The following CPNE1 variants were observed in gnomAD, a reference collection of about 807,000 sequenced individuals.
The protein encoded by CPNE1 is copine 1.
Under a neutral mutation model 63.2 loss-of-function variants are expected in CPNE1, and 58 were observed. That is an observed-to-expected ratio of 0.92 (90% CI 0.74 to 1.14). The LOEUF (loss-of-function observed/expected upper bound fraction) is 1.14. CPNE1 is among the 50% of genes most tolerant of loss of function. The probability of loss-of-function intolerance (pLI) is 0.00; values close to 1 mark genes in which losing one functional copy is unlikely to be tolerated. For synonymous variants in CPNE1, 237 were observed against 249.0 expected, an observed-to-expected ratio of 0.95 and a Z score of 0.45; for missense variants, 672 against 661.7, an observed-to-expected ratio of 1.02 and a Z score of -0.17.
In CPNE1 at chr20:35,626,688, C is replaced by A. The variant is rs746941698; in HGVS notation, c.1352G>T (p.Gly451Val). 1.9e-6 allele frequency: 3 copies of A among 1,614,058 alleles called. No individual in the cohort carries two copies. Among genetic ancestry groups the A allele is most frequent in the Admixed American group, 3.3e-5 (2 of 60,010 alleles). Reference sequence around the variant, plus strand: ...CTCCATGGCCTCAAAGTCAGCACCACCCACACCCACAATGATCACTGACAT... The same window carrying A: ...CTCCATGGCCTCAAAGTCAGCACCAACCACACCCACAATGATCACTGACAT... The part of the protein sequence containing the change: ...LPMSVIIVGV[G>V]GADFEAMEQL... Residue 451 changes from glycine to valine, a missense_variant, in exon 15 of 16, where the codon GGT becomes GTT. Gly to Val is a moderately radical substitution (Grantham distance 109). Transcript: ENST00000397443.
In CPNE1 at chr20:35,632,641, A is replaced by C. The variant is rs114166030; in HGVS notation, c.185T>G (p.Leu62Arg). 8.8e-4 allele frequency: 1,287 copies of C among 1,462,704 alleles called. 12 individuals are homozygous for C. In the African/African-American group the frequency reaches 0.017, roughly 19 times the overall value. The allele number at this position is 1,462,704 out of a possible 1,614,324, so 90.6% of individuals were successfully genotyped here. Reference sequence around the variant, plus strand: ...TGTCTCAAAGCGGTACTCAAGCTGTAGAGTCTTGGAGAACTCAGGGCTTGA... The same window carrying C: ...TGTCTCAAAGCGGTACTCAAGCTGTCGAGTCTTGGAGAACTCAGGGCTTGA... Reference protein sequence around the residue: ...NCSSPEFSKTLQLEYRFETVQ... With the variant: ...NCSSPEFSKTRQLEYRFETVQ... Residue 62 changes from leucine to arginine, a missense_variant, in exon 3 of 16, where the codon CTA becomes CGA. Coordinates refer to ENST00000397443, the MANE Select transcript of CPNE1 (RefSeq NM_152925.3).
intron 13 of CPNE1, among the ~76,000 whole-genome samples, chr20:35,628,846 T>C (rs1452790398): frequency 2.0e-5 from 3 of 152,162 alleles, no homozygotes; most frequent in East Asian, 3.8e-4. Flanking sequence ...TCTGTGATAA[T>C]GTAAGAAAGA....
intron 1 of CPNE1, chr20:35,659,036 G>A: frequency 1.4e-6 from 1 of 714,690 alleles, no homozygotes; most frequent in Non-Finnish European, 2.6e-6. Flanking sequence ...AATAAACGGA[G>A]GCAAAAATCA....
chr20:35,631,634 C>T, intron 7 of CPNE1, 54 bp downstream of exon 7: 3 of 1,607,550 alleles, frequency 1.9e-6, no homozygotes, highest in Non-Finnish European at 2.6e-6. Flanking sequence ...GAGAATAAGT[C>T]CCTCCCCAGG....
intron 1 of CPNE1, among the ~76,000 whole-genome samples, chr20:35,642,413 A>G (rs2032863278): frequency 6.6e-6 from 1 of 152,006 alleles, no homozygotes; most frequent in Non-Finnish European, 1.5e-5. Flanking sequence ...TCATGCTCAC[A>G]CTCCTATTGC....
At chr20:35,654,114 G>C (rs377668053) in intron 1 of CPNE1, 3 of 1,614,070 alleles carry the variant, frequency 1.9e-6, no homozygotes, top group East Asian at 2.2e-5. Flanking sequence ...TCTGAGGAGG[G>C]GGATGAGTTT....
intron 1 of CPNE1, among the ~76,000 whole-genome samples, chr20:35,646,574 T>C (rs1255468597): frequency 1.3e-5 from 2 of 151,950 alleles, no homozygotes; most frequent in Non-Finnish European, 2.9e-5. Flanking sequence ...CTCCCACCCA[T>C]TAGGAGGCTG....
At chr20:35,633,758 G>A (rs573281859) in intron 1 of CPNE1, among the ~76,000 whole-genome samples, 8 of 151,422 alleles carry the variant, frequency 5.3e-5, no homozygotes, top group South Asian at 2.1e-4. Flanking sequence ...TTTGAGACCA[G>A]CCTGGCCAAC....
At chr20:35,641,200 C>G (rs2032785057) in intron 1 of CPNE1, among the ~76,000 whole-genome samples, 1 of 152,318 alleles carries the variant, frequency 6.6e-6, no homozygotes, top group South Asian at 2.1e-4. Context: ...ATTCAAGTCC[C>G]TCAATCCAAG....
At chr20:35,630,405 A>G in intron 13 of CPNE1, 34 bp downstream of exon 13, 2 of 1,599,604 alleles carry the variant, frequency 1.3e-6, no homozygotes, top group South Asian at 2.2e-5. Flanking sequence ...CTTTGTGTGG[A>G]CAGACCTGCC....
At chr20:35,655,323 G>A (rs150071988) in intron 1 of CPNE1, 1 of 1,604,200 alleles carries the variant, frequency 6.2e-7, no homozygotes, top group Non-Finnish European at 8.5e-7. Context: ...CCACAGCCAT[G>A]CTGCGCTGAA....
At chr20:35,646,775 ACTGTTC>A (rs2033129075) in intron 1 of CPNE1, among the ~76,000 whole-genome samples, 1 of 152,166 alleles carries the variant, frequency 6.6e-6, no homozygotes, top group Non-Finnish European at 1.5e-5. Flanking sequence ...AACACCTTTG[ACTGTTC>A]ATACTGAATT....
chr20:35,653,471 C>T lies in CPNE1; in HGVS notation c.-1+11289G>A, dbSNP rs191431095. The stretch of plus-strand genomic sequence containing the variant: ...TCTCTCATATCTTCTAGGGTAACTA[C>T]ATGAACAAAAGCTTCTCTCCCATTA... On this transcript the variant is annotated intron_variant, in intron 1 of 15. Coordinates refer to ENST00000397443, the MANE Select transcript of CPNE1 (RefSeq NM_152925.3). 7 of 1,614,236 alleles carry T rather than the reference C, an allele frequency of 4.3e-6. No homozygotes were observed. The East Asian group carries it at 1.3e-4, about 31-fold the overall frequency.
chr20:35,662,620 A>T (rs2034292140), intron 1 of CPNE1, among the ~76,000 whole-genome samples: 1 of 152,228 alleles, frequency 6.6e-6, no homozygotes, highest in Non-Finnish European at 1.5e-5. Context: ...TTCCTACAAC[A>T]TCTACAGAAG....
At chr20:35,647,486 G>A (rs1197641815) in intron 1 of CPNE1, 1 of 151,988 alleles carries the variant, frequency 6.6e-6, no homozygotes, top group Non-Finnish European at 1.5e-5. Flanking sequence ...GAATTCAAGG[G>A]ATTTGGTTGT....
At chr20:35,640,897 AT>A (rs750331486) in intron 1 of CPNE1, among the ~76,000 whole-genome samples, 1 of 152,036 alleles carries the variant, frequency 6.6e-6, no homozygotes, top group East Asian at 1.9e-4. Context: ...CCAAACACCA[AT>A]TTATCTTCTC....
At chr20:35,655,708 A>G (rs2033855825) in intron 1 of CPNE1, among the ~76,000 whole-genome samples, 3 of 152,190 alleles carry the variant, frequency 2.0e-5, no homozygotes, top group Admixed American at 2.0e-4. Flanking sequence ...TTAACAATCT[A>G]TAGGGAAAAA....
intron 1 of CPNE1, chr20:35,653,532 A>G (rs1313618788): frequency 1.2e-6 from 2 of 1,614,206 alleles, no homozygotes; most frequent in Admixed American, 1.7e-5. Flanking sequence ...ACTTACGTGC[A>G]TCATCTTCAT....
intron 13 of CPNE1, among the ~76,000 whole-genome samples, chr20:35,628,125 CAAAA>C (rs1189315178): frequency 1.4e-5 from 2 of 146,444 alleles, no homozygotes; most frequent in Admixed American, 1.4e-4. Flanking sequence ...ACTAAAAATA[CAAAA>C]AAAAAACTAG....
Sources: gnomAD v4.1 joint callset for allele counts (sites outside exome capture counted in the v4.1 genomes callset) on GRCh38, gnomAD v4.1.1 for gene constraint, MANE v1.5 for transcripts, NCBI Gene and HGNC (gene_info 2026-07-23, HGNC 2026-07-21) for gene names.